Variants in BRCC3 observed in about 807,000 individuals in gnomAD.
BRCC3 encodes the protein BRCA1/BRCA2-containing complex subunit 3, also known as lys-63-specific deubiquitinase BRCC36.
A neutral mutation model predicts 28.0 loss-of-function variants in BRCC3; 15 were observed. That is an observed-to-expected ratio of 0.54 (90% CI 0.36 to 0.82). BRCC3 has a LOEUF of 0.82. Among genes scored for constraint, BRCC3 ranks in the 40% least tolerant of loss-of-function variants. The pLI is 0.01. For missense variants in BRCC3, 109 were observed against 225.9 expected, an observed-to-expected ratio of 0.48 and a Z score of 3.32; for synonymous variants, 66 against 80.3, an observed-to-expected ratio of 0.82 and a Z score of 0.95.
chrX:155,121,078 A>G (rs2074385922), intron 10 of BRCC3, 145 bp from the exon 11 acceptor site: 1 of 111,886 alleles, frequency 8.9e-6, no homozygotes, highest in African/African-American at 3.3e-5. Context: ...CTTGAAGGTC[A>G]TACTCTATCT....
chrX:155,104,836 T>A (rs2074268220), intron 7 of BRCC3, among the ~76,000 whole-genome samples: 1 of 112,953 alleles, frequency 8.9e-6, no homozygotes, highest in Non-Finnish European at 1.9e-5. Context: ...TATTGAGGTA[T>A]AATTAACATG....
intron 2 of BRCC3, among the ~76,000 whole-genome samples, chrX:155,072,838 G>C (rs950315260): frequency 9.0e-6 from 1 of 110,563 alleles, no homozygotes; most frequent in Non-Finnish European, 1.9e-5. Context: ...AATTTCAGGC[G>C]TGAGCCACCA....
chrX:155,074,671 T>C (rs1174299514), intron 3 of BRCC3, among the ~76,000 whole-genome samples: 1 of 112,443 alleles, frequency 8.9e-6, no homozygotes, highest in African/African-American at 3.2e-5. Flanking sequence ...AATAATGTAA[T>C]TTTATTATTC....
chrX:155,101,485 C>T (rs1557296896), intron 7 of BRCC3, among the ~76,000 whole-genome samples: 2 of 112,068 alleles, frequency 1.8e-5, no homozygotes, highest in South Asian at 3.7e-4. Flanking sequence ...ATTCCTTCAA[C>T]ATTTACTAGT....
chrX:155,119,194 G>C (rs1557299144), intron 9 of BRCC3, among the ~76,000 whole-genome samples: 1 of 112,084 alleles, frequency 8.9e-6, no homozygotes, highest in African/African-American at 3.2e-5. Context: ...TAAATTGAGA[G>C]ACAATTAGGT....
At chrX:155,077,848 T>A (rs1198847258) in intron 4 of BRCC3, among the ~76,000 whole-genome samples, 1 of 112,180 alleles carries the variant, frequency 8.9e-6, no homozygotes, top group Non-Finnish European at 1.9e-5. Flanking sequence ...ATCCCACTTT[T>A]GTTTTCTTCA....
intron 5 of BRCC3, among the ~76,000 whole-genome samples, chrX:155,088,580 C>A (rs1245912404): frequency 1.8e-5 from 2 of 110,664 alleles, no homozygotes; most frequent in African/African-American, 3.3e-5. Flanking sequence ...CTCAAACTCC[C>A]GACCTGAGGT....
chrX:155,116,148 C>T lies in BRCC3; in HGVS notation c.640C>T (p.Leu214=), dbSNP rs1557298707. Residue 214 remains leucine (L), a synonymous_variant, in exon 8 of 11, where the codon CTG becomes TTG. Transcript: ENST00000330045. ...LESAVELPKI[L]CQEEQDAYRR... ...ATCAGCAGTAGAGCTGCCCAAGATCCTGTGCCAGGAGGAGCAGGATGCGTA... is the reference window on the plus strand; with the variant it reads ...ATCAGCAGTAGAGCTGCCCAAGATCTTGTGCCAGGAGGAGCAGGATGCGTA... 6.6e-6 allele frequency: 8 copies of T among 1,203,422 alleles called. No individual in the cohort carries two copies. Among genetic ancestry groups the T allele is most frequent in the Non-Finnish European group, 7.9e-6 (7 of 890,888 alleles).
In BRCC3 at chrX:155,071,737, G is replaced by A. The variant is rs1337002325; in HGVS notation, c.123+87G>A. On this transcript the variant is annotated intron_variant, in intron 1 of 10. Coordinates refer to ENST00000330045, the MANE Select transcript of BRCC3 (RefSeq NM_001018055.3). ...GGGTGCCGGCAGCTCCCAGGGCTGC[G>A]GAGGCCACAGGCATCCTCGATTTAG... 5 of 1,019,925 alleles carry A rather than the reference G, an allele frequency of 4.9e-6. No homozygotes were observed. The Admixed American group carries it at 8.3e-5, about 17-fold the overall frequency. The allele number at this position is 1,019,925 out of a possible 1,213,427, so 84.1% of individuals were successfully genotyped here.
intron 6 of BRCC3, 66 bp from the exon 7 acceptor site, chrX:155,090,718 T>C (rs1158959063): frequency 1.2e-6 from 1 of 865,408 alleles, no homozygotes; most frequent in East Asian, 3.4e-5. Flanking sequence ...GAGGGACCTT[T>C]GGGGTCTTTT....
At chrX:155,096,157 A>G (rs2074208279) in intron 7 of BRCC3, among the ~76,000 whole-genome samples, 1 of 112,589 alleles carries the variant, frequency 8.9e-6, no homozygotes, top group Non-Finnish European at 1.9e-5. Context: ...AAGAAGCCAC[A>G]CAAAAAGTCA....
intron 3 of BRCC3, among the ~76,000 whole-genome samples, chrX:155,076,328 G>C (rs782501043): frequency 1.8e-5 from 2 of 111,119 alleles, no homozygotes; most frequent in Non-Finnish European, 3.8e-5. Context: ...GGTAGACGTT[G>C]CAGTGAGCTG....
intron 3 of BRCC3, among the ~76,000 whole-genome samples, chrX:155,075,296 G>GAAACTCATT (rs1557293389): frequency 8.9e-6 from 1 of 111,735 alleles, no homozygotes; most frequent in Non-Finnish European, 1.9e-5. Context: ...TCTTTCCCCT[G>GAAACTCATT]GCCCTTCTTG....
intron 7 of BRCC3, among the ~76,000 whole-genome samples, chrX:155,098,593 A>G (rs1169116163): frequency 8.9e-6 from 1 of 112,336 alleles, no homozygotes; most frequent in African/African-American, 3.2e-5. Flanking sequence ...ATTTATTTAC[A>G]TATTGTCTAT....
chrX:155,100,921 TCTTGC>T, intron 7 of BRCC3, among the ~76,000 whole-genome samples: 1 of 109,414 alleles, frequency 9.1e-6, no homozygotes, highest in South Asian at 4.0e-4. Flanking sequence ...TGAGACAGGG[TCTTGC>T]CTTGTCACCC....
At chrX:155,085,404 AGTCT>A (rs2074116154) in intron 5 of BRCC3, among the ~76,000 whole-genome samples, 1 of 112,503 alleles carries the variant, frequency 8.9e-6, no homozygotes, top group Non-Finnish European at 1.9e-5. Flanking sequence ...TGTGACATTC[AGTCT>A]AACAGCTTAA....
intron 4 of BRCC3, among the ~76,000 whole-genome samples, chrX:155,077,959 T>C (rs1416505429): frequency 8.9e-6 from 1 of 112,216 alleles, no homozygotes; most frequent in Non-Finnish European, 1.9e-5. Context: ...ATATGCAGGC[T>C]ATCTCTCTGC....
intron 7 of BRCC3, among the ~76,000 whole-genome samples, chrX:155,099,734 T>C (rs188246305): frequency 1.1e-4 from 12 of 112,292 alleles, no homozygotes; most frequent in Admixed American, 1.0e-3. Flanking sequence ...TCCTCAGTTA[T>C]TTTGTTTTAG....
intron 5 of BRCC3, among the ~76,000 whole-genome samples, chrX:155,086,955 CAGAG>C (rs367683919): frequency 1.5e-4 from 17 of 112,030 alleles, no homozygotes; most frequent in African/African-American, 5.5e-4. Context: ...GCTTTTCACT[CAGAG>C]AGAAGGAAAG....
Sources: gnomAD v4.1 joint callset for allele counts (sites outside exome capture counted in the v4.1 genomes callset) on GRCh38, gnomAD v4.1.1 for gene constraint, MANE v1.5 for transcripts, NCBI Gene and HGNC (gene_info 2026-07-23, HGNC 2026-07-21) for gene names.